TFEC: variants seen among roughly 807,000 people sequenced by gnomAD.
TFEC encodes transcription factor EC.
A neutral mutation model predicts 41.6 loss-of-function variants in TFEC; 31 were observed. The observed-to-expected ratio is 0.74, with a 90% confidence interval of 0.56 to 1.01. The LOEUF is 1.01. TFEC is among the 50% of genes least tolerant of loss of function. The pLI, the probability that TFEC is intolerant of heterozygous loss-of-function variation, is 0.00. For missense variants in TFEC, 402 were observed against 404.1 expected, an observed-to-expected ratio of 0.99 and a Z score of 0.04; for synonymous variants, 143 against 140.6, an observed-to-expected ratio of 1.02 and a Z score of -0.12.
At chr7:116,039,570 C>T (rs1214156321) in intron 3 of TFEC, among the ~76,000 whole-genome samples, 3 of 151,626 alleles carry the variant, frequency 2.0e-5, no homozygotes, top group Non-Finnish European at 2.9e-5. Flanking sequence ...CATCAAACTA[C>T]GACAGAGACA....
At chr7:116,159,500 A>C (rs996854582) in intron 1 of TFEC, among the ~76,000 whole-genome samples, 1 of 152,072 alleles carries the variant, frequency 6.6e-6, no homozygotes, top group Non-Finnish European at 1.5e-5. Context: ...GCACAGTCCA[A>C]AAAGAGTAAC....
intron 1 of TFEC, among the ~76,000 whole-genome samples, chr7:116,152,989 A>G (rs950645002): frequency 1.3e-5 from 2 of 152,184 alleles, no homozygotes; most frequent in African/African-American, 4.8e-5. Context: ...CCCACACCAT[A>G]TGTTCAAGAA....
At chr7:116,061,253 C>T (rs569742442) in intron 3 of TFEC, among the ~76,000 whole-genome samples, 1 of 152,124 alleles carries the variant, frequency 6.6e-6, no homozygotes, top group South Asian at 2.1e-4. Flanking sequence ...GGAATTGGTA[C>T]AAAAACACAG....
chr7:116,110,982 T>TTG, intron 2 of TFEC: 1 of 979,474 alleles, frequency 1.0e-6, no homozygotes, highest in Non-Finnish European at 1.4e-6. Context: ...AAATAATATT[T>TTG]TATCACCTGA....
At chr7:116,110,959 T>C in intron 2 of TFEC, 2 of 1,228,086 alleles carry the variant, frequency 1.6e-6, no homozygotes, top group South Asian at 3.6e-5. Flanking sequence ...AGGAGCACTG[T>C]AAAACACATA....
At chr7:116,159,303 TTA>T (rs1398643377) in intron 1 of TFEC, among the ~76,000 whole-genome samples, 1 of 151,998 alleles carries the variant, frequency 6.6e-6, no homozygotes, top group Non-Finnish European at 1.5e-5. Flanking sequence ...AAAATATACT[TTA>T]TAAAATAACC....
chr7:115,941,727 A>T, intron 7 of TFEC, 166 bp downstream of exon 7: 1 of 809,448 alleles, frequency 1.2e-6, no homozygotes. Flanking sequence ...GTCAAATCCT[A>T]ATTGAAACAA....
At chr7:116,083,568 T>C (rs1797137469) in intron 3 of TFEC, among the ~76,000 whole-genome samples, 1 of 151,892 alleles carries the variant, frequency 6.6e-6, no homozygotes. Context: ...GTGACAAAAC[T>C]CTTGATGTCT....
intron 3 of TFEC, among the ~76,000 whole-genome samples, chr7:116,056,159 A>G (rs1250172453): frequency 6.6e-6 from 1 of 152,090 alleles, no homozygotes; most frequent in Non-Finnish European, 1.5e-5. Flanking sequence ...ATCAACAAAA[A>G]AGAGTGATCC....
chr7:116,002,625 T>G (rs1794641703), intron 1 of TFEC, among the ~76,000 whole-genome samples: 1 of 152,186 alleles, frequency 6.6e-6, no homozygotes, highest in Non-Finnish European at 1.5e-5. Flanking sequence ...ACAGGGTGAC[T>G]ATGGTCAACA....
intron 3 of TFEC, among the ~76,000 whole-genome samples, chr7:115,964,899 A>C (rs1395649882): frequency 6.6e-6 from 1 of 151,576 alleles, no homozygotes; most frequent in Non-Finnish European, 1.5e-5. Flanking sequence ...TATCCTTTAT[A>C]TATACAAAGT....
chr7:116,117,115 T>C (rs1798007494), intron 1 of TFEC, among the ~76,000 whole-genome samples: 1 of 151,862 alleles, frequency 6.6e-6, no homozygotes, highest in South Asian at 2.1e-4. Context: ...AATAAATTAA[T>C]TATGGTGGAA....
At chr7:116,135,503 G>A (rs970889822) in intron 1 of TFEC, among the ~76,000 whole-genome samples, 1 of 152,058 alleles carries the variant, frequency 6.6e-6, no homozygotes, top group Non-Finnish European at 1.5e-5. Context: ...CAAAGACAGC[G>A]CTCTGCATGA....
At chr7:116,015,000 A>G (rs1795136202) in intron 1 of TFEC, among the ~76,000 whole-genome samples, 1 of 152,084 alleles carries the variant, frequency 6.6e-6, no homozygotes, top group Non-Finnish European at 1.5e-5. Flanking sequence ...TAGAACTGTA[A>G]GATAATAAAT....
intron 3 of TFEC, among the ~76,000 whole-genome samples, chr7:116,100,076 C>A (rs1460320551): frequency 6.6e-6 from 1 of 152,146 alleles, no homozygotes; most frequent in African/African-American, 2.4e-5. Flanking sequence ...CCAATACTGA[C>A]TATAGCTCCA....
chr7:115,987,527 C>CA (rs1191620742), intron 1 of TFEC, among the ~76,000 whole-genome samples: 1 of 152,176 alleles, frequency 6.6e-6, no homozygotes, highest in Non-Finnish European at 1.5e-5. Context: ...GTTTGAGTAT[C>CA]AAGCATGTGT....
chr7:116,100,219 T>C (rs1797572807), intron 3 of TFEC, among the ~76,000 whole-genome samples: 1 of 152,190 alleles, frequency 6.6e-6, no homozygotes, highest in South Asian at 2.1e-4. Flanking sequence ...TAGACTGTGG[T>C]CTCTTTTTCT....
chr7:116,125,433 G>T (rs1798189049), intron 1 of TFEC, among the ~76,000 whole-genome samples: 1 of 152,154 alleles, frequency 6.6e-6, no homozygotes, highest in African/African-American at 2.4e-5. Context: ...TCCAAGTTAA[G>T]AAATTTGGCT....
chr7:116,000,762 C>T (rs1006503123), intron 1 of TFEC, among the ~76,000 whole-genome samples: 8 of 151,954 alleles, frequency 5.3e-5, no homozygotes, highest in Non-Finnish European at 1.0e-4. Flanking sequence ...AAGATCTCTA[C>T]AATGTAAACT....
Sources: gnomAD v4.1 joint callset for allele counts (sites outside exome capture counted in the v4.1 genomes callset) on GRCh38, gnomAD v4.1.1 for gene constraint, MANE v1.5 for transcripts, NCBI Gene and HGNC (gene_info 2026-07-23, HGNC 2026-07-21) for gene names.